CEP41: variants seen among roughly 807,000 people sequenced by gnomAD.
CEP41 encodes centrosomal protein 41, also known as centrosomal protein of 41 kDa.
In CEP41, 32 loss-of-function variants were observed where a neutral mutation model predicts 44.3. The observed-to-expected ratio is 0.72, with a 90% CI of 0.54 to 0.97. CEP41 has a LOEUF of 0.97. Among genes scored for constraint, CEP41 ranks in the 50% least tolerant of loss-of-function variants. The probability of loss-of-function intolerance (pLI) is 0.00; values close to 1 mark genes in which losing one functional copy is unlikely to be tolerated. For synonymous variants in CEP41, 151 were observed against 168.5 expected, an observed-to-expected ratio of 0.90 and a Z score of 0.80; for missense variants, 432 against 455.2, an observed-to-expected ratio of 0.95 and a Z score of 0.46.
At chr7:130,435,921 G>A (rs1340848157) in intron 1 of CEP41, among the ~76,000 whole-genome samples, 2 of 152,128 alleles carry the variant, frequency 1.3e-5, no homozygotes, top group African/African-American at 2.4e-5. Flanking sequence ...TTGGGAGGCC[G>A]AGGCTGGTGG....
chr7:130,417,017 G>C, intron 2 of CEP41, 51 bp from the exon 3 acceptor site: 4 of 1,409,508 alleles, frequency 2.8e-6, no homozygotes, highest in Non-Finnish European at 4.0e-6. Context: ...AAGCAAATGA[G>C]TAACACTGTG....
In CEP41 at chr7:130,397,533, T is replaced by TTTTTTTG; in HGVS notation, c.*1357_*1358insCAAAAAA. 1 of 353,236 alleles carries TTTTTTTG rather than the reference T, an allele frequency of 2.8e-6. No individual in the cohort carries two copies. The highest frequency in any genetic ancestry group is 2.1e-5 in the South Asian group (1 of 48,636). The allele number at this position is 353,236 out of a possible 1,614,324, so 21.9% of individuals were successfully genotyped here. A position where few individuals can be genotyped will look rare whatever the true frequency, so the allele number is the denominator to read the frequency against. On this transcript the variant is annotated 3_prime_UTR_variant, in exon 11 of 11. Coordinates refer to ENST00000223208, the MANE Select transcript of CEP41 (RefSeq NM_018718.3). ...TTTTTTTTTTTTTTTTTTTTTTTTTTGGTGGCGAGAAAATAGTACTGTTAA... is the reference window on the plus strand; with the variant it reads ...TTTTTTTTTTTTTTTTTTTTTTTTTTTTTTTTGGGTGGCGAGAAAATAGTACTGTTAA...
intron 1 of CEP41, among the ~76,000 whole-genome samples, chr7:130,434,367 T>A (rs1797904301): frequency 6.6e-6 from 1 of 152,198 alleles, no homozygotes; most frequent in Non-Finnish European, 1.5e-5. Flanking sequence ...AAAATTGCTT[T>A]TTGCTCTACA....
chr7:130,410,370 C>T (rs556382635), intron 5 of CEP41, among the ~76,000 whole-genome samples: 6 of 152,096 alleles, frequency 3.9e-5, no homozygotes, highest in Non-Finnish European at 7.4e-5. Flanking sequence ...CTGGAAGTGT[C>T]TTTCCTTCCT....
At chr7:130,434,399 A>T (rs1797905195) in intron 1 of CEP41, among the ~76,000 whole-genome samples, 1 of 152,230 alleles carries the variant, frequency 6.6e-6, no homozygotes, top group African/African-American at 2.4e-5. Context: ...GAAGAAGATG[A>T]AAAGATAAGC....
intron 10 of CEP41, 122 bp from the exon 11 acceptor site, chr7:130,399,161 T>C (rs2117547416): frequency 4.8e-6 from 6 of 1,254,040 alleles, no homozygotes; most frequent in Admixed American, 1.7e-5. Flanking sequence ...TGAAGTCCTA[T>C]GCAGTATCTA....
chr7:130,405,517 G>A (rs1440688079), intron 5 of CEP41, among the ~76,000 whole-genome samples: 8 of 152,146 alleles, frequency 5.3e-5, no homozygotes. Context: ...GAAGTATGGG[G>A]AGCTGCTTCC....
In CEP41 at chr7:130,397,312, A is replaced by G. The variant is rs554826749; in HGVS notation, c.*1579T>C. 445 of 454,354 alleles carry G rather than the reference A, an allele frequency of 9.8e-4. 1 individual carries two copies. Among genetic ancestry groups the G allele is most frequent in the Non-Finnish European group, 1.6e-3 (372 of 226,802 alleles). The allele number at this position is 454,354 out of a possible 1,614,324, so 28.1% of individuals were successfully genotyped here. The stretch of plus-strand genomic sequence containing the variant: ...ATTGGGCATGGCTTGACATCTGAAC[A>G]ATGTCCCTGGTTTGTTTGATTTCTA... On this transcript the variant is annotated 3_prime_UTR_variant, in exon 11 of 11. Coordinates refer to ENST00000223208, the MANE Select transcript of CEP41 (RefSeq NM_018718.3).
chr7:130,426,434 G>T (rs1277323690), intron 2 of CEP41, among the ~76,000 whole-genome samples: 1 of 142,456 alleles, frequency 7.0e-6, no homozygotes, highest in Non-Finnish European at 1.5e-5. Flanking sequence ...TTAATTTCCA[G>T]GAGGAAAGAA....
intron 5 of CEP41, among the ~76,000 whole-genome samples, chr7:130,406,492 G>A (rs1308215764): frequency 6.6e-6 from 1 of 152,122 alleles, no homozygotes; most frequent in African/African-American, 2.4e-5. Context: ...GCTGAGGCAG[G>A]AGAATCACTT....
intron 1 of CEP41, among the ~76,000 whole-genome samples, chr7:130,437,777 A>AAAAAAAAAAAAAAAAAAG (rs1798015198): frequency 5.8e-5 from 8 of 138,612 alleles, no homozygotes; most frequent in Non-Finnish European, 1.1e-4. Context: ...AAAAAAAAAA[A>AAAAAAAAAAAAAAAAAAG]AAAAAAAAAA....
intron 1 of CEP41, among the ~76,000 whole-genome samples, chr7:130,437,764 CAAAAAAAAA>C (rs1171735164): frequency 2.3e-3 from 75 of 32,412 alleles, no homozygotes; most frequent in South Asian, 0.011. Flanking sequence ...AAGACTGTCT[CAAAAAAAAA>C]AAAAAAAAAA....
In CEP41 at chr7:130,419,573, A is replaced by AT. The variant is rs1427946623; in HGVS notation, c.98-2608dup. 29 of 982,658 alleles carry AT rather than the reference A, an allele frequency of 3.0e-5. No homozygotes were observed. The East Asian group carries it at 1.6e-3, about 54-fold the overall frequency. 60.9% of individuals were successfully genotyped at this position (982,658 alleles called of 1,614,324 possible). The stretch of plus-strand genomic sequence containing the variant: ...AGCCTAAAAGACTATCCAAGAACCA[A>AT]TTTTTTTTAAAAAAAATTGAAATTA... On this transcript the variant is annotated intron_variant, in intron 2 of 10. Transcript: ENST00000223208.
At chr7:130,434,217 A>G (rs539007474) in intron 1 of CEP41, among the ~76,000 whole-genome samples, 9 of 152,378 alleles carry the variant, frequency 5.9e-5, no homozygotes, top group African/African-American at 2.2e-4. Flanking sequence ...AGTACTTACT[A>G]TATCATCAGG....
intron 2 of CEP41, among the ~76,000 whole-genome samples, chr7:130,424,018 G>C (rs1308336484): frequency 1.3e-5 from 2 of 152,084 alleles, no homozygotes; most frequent in Non-Finnish European, 2.9e-5. Context: ...CAAAATCACA[G>C]CATTTAAAAA....
chr7:130,425,211 T>C (rs1584897749), intron 2 of CEP41, among the ~76,000 whole-genome samples: 2 of 149,436 alleles, frequency 1.3e-5, no homozygotes, highest in East Asian at 3.9e-4. Context: ...GGCAGGAGTT[T>C]GAGACAAGCC....
intron 1 of CEP41, among the ~76,000 whole-genome samples, chr7:130,439,432 C>CTA (rs1218842827): frequency 6.6e-6 from 1 of 151,978 alleles, no homozygotes; most frequent in Non-Finnish European, 1.5e-5. Context: ...TTATTATTAA[C>CTA]TATAGTCACC....
intron 1 of CEP41, among the ~76,000 whole-genome samples, chr7:130,439,936 T>C (rs1563001886): frequency 6.6e-6 from 1 of 152,228 alleles, no homozygotes; most frequent in Non-Finnish European, 1.5e-5. Context: ...GAGTACTACC[T>C]ATTTTCTCGT....
In CEP41 at chr7:130,404,721, A is replaced by G. The variant is rs1554417874; in HGVS notation, c.278-13T>C. The G allele has an allele frequency of 6.3e-7, 1 of 1,593,776 alleles. No individual in the cohort carries two copies. The highest frequency in any genetic ancestry group is 1.1e-5 in the South Asian group (1 of 90,610). On this transcript the variant is annotated splice_polypyrimidine_tract_variant and intron_variant, in intron 5 of 10. Coordinates refer to ENST00000223208, the MANE Select transcript of CEP41 (RefSeq NM_018718.3). ...GCAGAATCATTGTCTAATATTTACA[A>G]ATGAAGAAATAATTAGATTGAACCT...
Sources: allele counts gnomAD v4.1 joint callset (sites outside exome capture counted in the v4.1 genomes callset), GRCh38; gene constraint gnomAD v4.1.1; transcripts MANE v1.5; gene names NCBI Gene and HGNC (gene_info 2026-07-23, HGNC 2026-07-21).